Variants in OTOGL observed in about 807,000 individuals in gnomAD.
OTOGL encodes otogelin-like protein.
In OTOGL, 285 loss-of-function variants were observed where a neutral mutation model predicts 318.5. The observed-to-expected ratio is 0.89, with a 90% CI of 0.81 to 0.99. The LOEUF (loss-of-function observed/expected upper bound fraction) is 0.99. Among genes scored for constraint, OTOGL ranks in the 50% least tolerant of loss-of-function variants. The pLI is 0.00. For synonymous variants in OTOGL, 987 were observed against 936.5 expected (o/e 1.05, Z -0.99); for missense variants, 2,899 against 2,845.6 (o/e 1.02, Z -0.43).
chr12:80,127,978 G>C (rs1870966322), intron 1 of OTOGL, among the ~76,000 whole-genome samples: 1 of 151,998 alleles, frequency 6.6e-6, no homozygotes, highest in Admixed American at 6.6e-5. Context: ...CTTTGCCATG[G>C]GTTCAAACTT....
At chr12:80,148,459 CG>C (rs1378058453) in intron 1 of OTOGL, among the ~76,000 whole-genome samples, 2 of 148,774 alleles carry the variant, frequency 1.3e-5, no homozygotes, top group Non-Finnish European at 3.0e-5. Flanking sequence ...GAGGGTAACC[CG>C]ACCTTTCTCT....
chr12:80,121,339 G>T (rs1028329290), intron 1 of OTOGL, among the ~76,000 whole-genome samples: 1 of 152,030 alleles, frequency 6.6e-6, no homozygotes, highest in Non-Finnish European at 1.5e-5. Flanking sequence ...GACTACAAAG[G>T]CTACCTTTCA....
chr12:80,300,849 AAG>A (rs1885710941), intron 27 of OTOGL, among the ~76,000 whole-genome samples: 1 of 152,176 alleles, frequency 6.6e-6, no homozygotes, highest in Non-Finnish European at 1.5e-5. Flanking sequence ...GAAGAACAGA[AAG>A]AGAGCCAGCA....
intron 1 of OTOGL, among the ~76,000 whole-genome samples, chr12:80,188,545 A>AT (rs1875463567): frequency 1.3e-5 from 2 of 148,868 alleles, no homozygotes; most frequent in African/African-American, 4.9e-5. Flanking sequence ...CTCAAAAAAA[A>AT]AATAATAATA....
At chr12:80,314,970 G>C (rs1174889442) in intron 32 of OTOGL, among the ~76,000 whole-genome samples, 1 of 152,152 alleles carries the variant, frequency 6.6e-6, no homozygotes, top group Non-Finnish European at 1.5e-5. Context: ...AAGTAAGTCA[G>C]GCACAGTGAG....
At chr12:80,308,089 T>C (rs80345579) in intron 29 of OTOGL, among the ~76,000 whole-genome samples, 117,230 of 130,942 alleles carry the variant, frequency 0.9, 52,799 homozygotes, top group Middle Eastern at 0.98. Context: ...GCTGGCCGGG[T>C]GGGGGGCTGA....
chr12:80,355,963 G>A lies in OTOGL; in HGVS notation c.5806+15G>A, dbSNP rs1889872484. On this transcript the variant is annotated intron_variant, in intron 47 of 58. Transcript: ENST00000547103. Reference sequence around the variant, plus strand: ...GGAAGTTTGTGGTATGTATGCAGAAGCCTTATAGTCAATTGATTCCACAAA... The same window carrying A: ...GGAAGTTTGTGGTATGTATGCAGAAACCTTATAGTCAATTGATTCCACAAA... 2 of 1,608,776 alleles carry A rather than the reference G, an allele frequency of 1.2e-6. No individual in the cohort carries two copies. The highest frequency in any genetic ancestry group is 1.7e-6 in the Non-Finnish European group (2 of 1,175,272).
chr12:80,302,558 T>G (rs1252463243), intron 27 of OTOGL, 76 bp from the exon 28 acceptor site: 2 of 986,704 alleles, frequency 2.0e-6, no homozygotes, highest in East Asian at 6.4e-5. Flanking sequence ...TTGGTAAATG[T>G]TAACTAAACT....
intron 1 of OTOGL, among the ~76,000 whole-genome samples, chr12:80,173,213 G>T (rs1341877263): frequency 6.6e-6 from 1 of 151,656 alleles, no homozygotes; most frequent in Non-Finnish European, 1.5e-5. Flanking sequence ...TATTAAGAAA[G>T]TAAGGAGATA....
chr12:80,332,693 C>T lies in OTOGL; in HGVS notation c.4349-312C>T, dbSNP rs970148860. ...TATTAATATTTTTTTTACCTGTTCA[C>T]GCAATTGTGTTGACACCATTAAGAA... is the stretch of plus-strand genomic sequence containing the variant. On this transcript the variant is annotated intron_variant, in intron 37 of 58. Coordinates refer to ENST00000547103, the MANE Select transcript of OTOGL (RefSeq NM_001378609.3). 6.6e-5 allele frequency among the ~76,000 whole-genome samples: 10 copies of T among 152,122 alleles called. No individual in the cohort carries two copies. The East Asian group carries it at 7.7e-4, about 12-fold the overall frequency.
intron 1 of OTOGL, among the ~76,000 whole-genome samples, chr12:80,170,363 T>C (rs1284750307): frequency 2.0e-5 from 3 of 152,174 alleles, no homozygotes; most frequent in African/African-American, 7.2e-5. Context: ...TATGTGATTA[T>C]GTGCCATTGG....
chr12:80,226,575 A>G (rs1022272187), intron 7 of OTOGL, among the ~76,000 whole-genome samples: 2 of 152,090 alleles, frequency 1.3e-5, no homozygotes, highest in African/African-American at 4.8e-5. Flanking sequence ...TTTGAAGTCT[A>G]CTGTACACCT....
intron 9 of OTOGL, among the ~76,000 whole-genome samples, chr12:80,236,702 C>T (rs1406166302): frequency 6.6e-6 from 1 of 152,060 alleles, no homozygotes; most frequent in African/African-American, 2.4e-5. Flanking sequence ...CCATACTTTC[C>T]TCAGTGTGCA....
chr12:80,254,422 C>T, intron 14 of OTOGL, 102 bp from the exon 15 acceptor site: 1 of 713,422 alleles, frequency 1.4e-6, no homozygotes, highest in East Asian at 2.8e-5. Flanking sequence ...TATTCTGAAC[C>T]TATAAACATG....
At chr12:80,174,601 T>G (rs1874407740) in intron 1 of OTOGL, among the ~76,000 whole-genome samples, 1 of 152,178 alleles carries the variant, frequency 6.6e-6, no homozygotes, top group African/African-American at 2.4e-5. Flanking sequence ...TTTAATATTG[T>G]AAAAGAAATT....
intron 1 of OTOGL, among the ~76,000 whole-genome samples, chr12:80,195,329 G>A (rs148600994): frequency 6.6e-6 from 1 of 152,222 alleles, no homozygotes; most frequent in Non-Finnish European, 1.5e-5. Flanking sequence ...TCAGTAGTGA[G>A]CCAGCAGAGG....
intron 26 of OTOGL, among the ~76,000 whole-genome samples, chr12:80,288,792 C>T (rs1300785388): frequency 6.6e-6 from 1 of 151,958 alleles, no homozygotes; most frequent in African/African-American, 2.4e-5. Flanking sequence ...TTAGCAGTTC[C>T]TGTAACCTTT....
chr12:80,152,303 C>T (rs1308920609), intron 1 of OTOGL, among the ~76,000 whole-genome samples: 1 of 152,056 alleles, frequency 6.6e-6, no homozygotes, highest in East Asian at 1.9e-4. Context: ...TCCAGAGTAG[C>T]ACTGTTCAAT....
intron 1 of OTOGL, among the ~76,000 whole-genome samples, chr12:80,160,804 T>G (rs1157171305): frequency 6.6e-6 from 1 of 152,166 alleles, no homozygotes; most frequent in Non-Finnish European, 1.5e-5. Context: ...AGCAGCACAG[T>G]TCACAATTGC....
Sources: allele counts gnomAD v4.1 joint callset (sites outside exome capture counted in the v4.1 genomes callset), GRCh38; gene constraint gnomAD v4.1.1; transcripts MANE v1.5; gene names NCBI Gene and HGNC (gene_info 2026-07-23, HGNC 2026-07-21).